Variants in KCNH1 observed in about 807,000 individuals in gnomAD.
KCNH1 encodes the protein potassium voltage-gated channel subfamily H member 1.
In KCNH1, 27 loss-of-function variants were observed where a neutral mutation model predicts 69.2. That is an observed-to-expected ratio of 0.39 (90% CI 0.29 to 0.54). The LOEUF (loss-of-function observed/expected upper bound fraction) is 0.54. KCNH1 is among the 20% of genes least tolerant of loss of function. The pLI is 0.68. For missense variants in KCNH1, 798 were observed against 1,261.6 expected (o/e 0.63, Z 5.57); for synonymous variants, 456 against 487.7 (o/e 0.93, Z 0.86).
chr1:211,040,940 T>C (rs1484568809), intron 5 of KCNH1, among the ~76,000 whole-genome samples: 1 of 152,152 alleles, frequency 6.6e-6, no homozygotes, highest in African/African-American at 2.4e-5. Context: ...AGCCTCATCT[T>C]CCCACCTCCT....
At chr1:210,860,333 C>G in intron 7 of KCNH1, 5 of 1,426,048 alleles carry the variant, frequency 3.5e-6, no homozygotes, top group Non-Finnish European at 4.9e-6. Context: ...TCATAGAATT[C>G]TGAGACATGC....
intron 10 of KCNH1, among the ~76,000 whole-genome samples, chr1:210,774,426 C>A (rs1279501337): frequency 1.3e-5 from 2 of 152,074 alleles, no homozygotes; most frequent in Non-Finnish European, 2.9e-5. Context: ...TTGAGTAACA[C>A]AAGGCCTCAG....
At chr1:210,963,063 C>T (rs193046790) in intron 6 of KCNH1, among the ~76,000 whole-genome samples, 83 of 151,764 alleles carry the variant, frequency 5.5e-4, no homozygotes, top group Middle Eastern at 6.8e-3. Context: ...ATTCCCAAAT[C>T]GTAACTTATC....
chr1:210,991,250 A>G (rs1688930297), intron 6 of KCNH1, among the ~76,000 whole-genome samples: 1 of 152,222 alleles, frequency 6.6e-6, no homozygotes, highest in Admixed American at 6.5e-5. Flanking sequence ...CGTAGTATAT[A>G]CACACACTGG....
intron 3 of KCNH1, among the ~76,000 whole-genome samples, chr1:211,095,916 C>T (rs572994196): frequency 2.6e-5 from 4 of 152,258 alleles, no homozygotes; most frequent in African/African-American, 7.2e-5. Flanking sequence ...TTCAGTTATT[C>T]GGAGCCTTGG....
chr1:210,692,932 T>C (rs1462337408), intron 10 of KCNH1, among the ~76,000 whole-genome samples: 2 of 152,146 alleles, frequency 1.3e-5, no homozygotes, highest in African/African-American at 2.4e-5. Context: ...GCCCTCAAAC[T>C]AGAGCACAAG....
Position 210,919,303 on chromosome 1 carries a change from C to T in KCNH1, c.1462+337G>A. On this transcript the variant is annotated intron_variant, in intron 7 of 10. Coordinates refer to ENST00000271751, the MANE Select transcript of KCNH1 (RefSeq NM_172362.3). This position sits in a 1 kb window ranked among gnomAD's most constrained non-coding sequence, Gnocchi z 4.2. ...GTAGTTTACTAAAGTGCGTATGCAG[C>T]AAGATCTCATTTTAAGTTTATAAAA... 1 of 204,288 alleles carries T rather than the reference C, an allele frequency of 4.9e-6. No individual in the cohort carries two copies. The highest frequency in any genetic ancestry group is 1.1e-4 in the East Asian group (1 of 9,428). The allele number at this position is 204,288 out of a possible 1,614,324, so 12.7% of individuals were successfully genotyped here. A position where few individuals can be genotyped will look rare whatever the true frequency, so the allele number is the denominator to read the frequency against.
chr1:211,107,669 T>G (rs1691382106), intron 1 of KCNH1, among the ~76,000 whole-genome samples: 1 of 152,202 alleles, frequency 6.6e-6, no homozygotes, highest in African/African-American at 2.4e-5. Flanking sequence ...TGGATTCCCA[T>G]GAGACATATT....
At chr1:211,057,819 G>C (rs889942262) in intron 5 of KCNH1, among the ~76,000 whole-genome samples, 2 of 152,090 alleles carry the variant, frequency 1.3e-5, no homozygotes, top group Admixed American at 6.6e-5. Flanking sequence ...TTATAACACA[G>C]AACTTTCCAA....
At chr1:210,902,307 G>C (rs941202966) in intron 7 of KCNH1, among the ~76,000 whole-genome samples, 1 of 152,160 alleles carries the variant, frequency 6.6e-6, no homozygotes, top group Non-Finnish European at 1.5e-5. Flanking sequence ...TTCAGTTTTA[G>C]CCCAGAGGGT....
chr1:210,848,187 A>G (rs570470077), intron 7 of KCNH1, among the ~76,000 whole-genome samples: 6 of 152,376 alleles, frequency 3.9e-5, no homozygotes, highest in African/African-American at 1.4e-4. Flanking sequence ...CCTTATAGGT[A>G]GTAGACATTC....
At chr1:210,955,693 GCT>G (rs1242326548) in intron 6 of KCNH1, among the ~76,000 whole-genome samples, 1 of 151,834 alleles carries the variant, frequency 6.6e-6, no homozygotes, top group African/African-American at 2.4e-5. Flanking sequence ...TCATGATTTG[GCT>G]CTCTGTTTGT....
chr1:210,782,733 A>G (rs534323768), intron 9 of KCNH1, among the ~76,000 whole-genome samples: 64 of 152,242 alleles, frequency 4.2e-4, no homozygotes, highest in African/African-American at 1.0e-3. Context: ...TCTCAAAAAA[A>G]AAAGAAAGAA....
In KCNH1 at chr1:211,082,960, C is replaced by A. The variant is rs138183559; in HGVS notation, c.440-62G>T. The A allele has an allele frequency of 5.4e-4, 727 of 1,351,532 alleles. No homozygotes were observed. In the African/African-American group the frequency reaches 8.4e-3, roughly 16 times the overall value. 83.7% of individuals were successfully genotyped at this position (1,351,532 alleles called of 1,614,324 possible). On this transcript the variant is annotated intron_variant, in intron 4 of 10. Coordinates refer to ENST00000271751, the MANE Select transcript of KCNH1 (RefSeq NM_172362.3). ...CACATCCCAAAGGTGCACAGACATT[C>A]ACATTACAAGTTATACTGTCAGAAA...
chr1:210,882,525 G>A (rs540022520), intron 7 of KCNH1, among the ~76,000 whole-genome samples: 5 of 152,248 alleles, frequency 3.3e-5, no homozygotes, highest in East Asian at 3.9e-4. Flanking sequence ...TCAGATAGAC[G>A]GAGGCTTGCA....
rs1681223680 is a variant in KCNH1 at position 210,679,965 on chromosome 1, G to A, written c.*3316C>T. The A allele has an allele frequency of 6.6e-6, 1 of 151,842 alleles. No individual in the cohort carries two copies. The highest frequency in any genetic ancestry group is 6.6e-5 in the Admixed American group (1 of 15,242). 9.4% of individuals were successfully genotyped at this position (151,842 alleles called of 1,614,324 possible). ...AATGCAATGAGTTGCATTCATGAAT[G>A]CAATGAGTTGCATTAATTGTACACT... On this transcript the variant is annotated 3_prime_UTR_variant, in exon 11 of 11. Transcript: ENST00000271751.
At chr1:210,933,394 C>T (rs186122145) in intron 6 of KCNH1, among the ~76,000 whole-genome samples, 42 of 151,984 alleles carry the variant, frequency 2.8e-4, no homozygotes, top group African/African-American at 4.8e-4. Flanking sequence ...GGATAGCTTT[C>T]GGAGATATAT....
At chr1:210,852,103 G>A (rs1685719300) in intron 7 of KCNH1, among the ~76,000 whole-genome samples, 1 of 152,272 alleles carries the variant, frequency 6.6e-6, no homozygotes, top group Non-Finnish European at 1.5e-5. Flanking sequence ...AAGAAAGCAT[G>A]ATGGAGAATG....
intron 6 of KCNH1, among the ~76,000 whole-genome samples, chr1:210,975,039 A>G (rs1457012585): frequency 6.6e-6 from 1 of 152,182 alleles, no homozygotes; most frequent in African/African-American, 2.4e-5. Context: ...TAACCTGTGT[A>G]CTTACCATTT....
Sources: gnomAD v4.1 joint callset for allele counts (sites outside exome capture counted in the v4.1 genomes callset) on GRCh38, gnomAD v4.1.1 for gene constraint, Gnocchi (gnomAD v3.1) non-coding constraint, MANE v1.5 for transcripts, NCBI Gene and HGNC (gene_info 2026-07-23, HGNC 2026-07-21) for gene names.